The following WDR20 variants were observed in gnomAD, a reference collection of about 807,000 sequenced individuals.
WDR20 encodes the protein WD repeat-containing protein 20.
In WDR20, 3 loss-of-function variants were observed where a neutral mutation model predicts 38.7. That is an observed-to-expected ratio of 0.08 (90% CI 0.04 to 0.20). The LOEUF (loss-of-function observed/expected upper bound fraction) is 0.20, where lower values mean the gene tolerates loss of function less well. Among genes scored for constraint, WDR20 ranks in the 10% least tolerant of loss-of-function variants. The pLI is 1.00. For missense variants in WDR20, 559 were observed against 727.7 expected (o/e 0.77, Z 2.67); for synonymous variants, 298 against 285.6 (o/e 1.04, Z -0.44).
intron 1 of WDR20, among the ~76,000 whole-genome samples, chr14:102,168,941 G>A (rs990909979): frequency 3.3e-5 from 5 of 152,156 alleles, no homozygotes; most frequent in South Asian, 2.1e-4. Context: ...CAGAGTGATC[G>A]TTTAAACAGT....
upstream of WDR20, chr14:102,139,653 T>C (rs1310381990): frequency 9.3e-6 from 6 of 645,848 alleles, no homozygotes; most frequent in East Asian, 1.4e-4. Context: ...CGGCATCACC[T>C]GGGAAGCAGC....
At chr14:102,166,347 T>G (rs1332743859) in intron 1 of WDR20, among the ~76,000 whole-genome samples, 1 of 152,250 alleles carries the variant, frequency 6.6e-6, no homozygotes, top group Non-Finnish European at 1.5e-5. Context: ...TTGTTTGAGA[T>G]TTGGTGAGTC....
chr14:102,176,511 A>T (rs1345972662), intron 1 of WDR20, among the ~76,000 whole-genome samples: 1 of 152,244 alleles, frequency 6.6e-6, no homozygotes, highest in East Asian at 1.9e-4. Flanking sequence ...ATCCTGGCTA[A>T]CATGGTGAAA....
At chr14:102,164,608 C>G (rs2059400202) in intron 1 of WDR20, among the ~76,000 whole-genome samples, 1 of 152,192 alleles carries the variant, frequency 6.6e-6, no homozygotes, top group Non-Finnish European at 1.5e-5. Flanking sequence ...ACCGCTTGGC[C>G]CACAACTTCC....
At chr14:102,204,804 G>A (rs941111879) in intron 2 of WDR20, among the ~76,000 whole-genome samples, 3 of 152,234 alleles carry the variant, frequency 2.0e-5, no homozygotes, top group Admixed American at 6.5e-5. Context: ...TGTGAAAAGT[G>A]CGTGTGTGCA....
chr14:102,187,580 T>C (rs930217945), intron 1 of WDR20, among the ~76,000 whole-genome samples: 1 of 152,154 alleles, frequency 6.6e-6, no homozygotes, highest in Non-Finnish European at 1.5e-5. Flanking sequence ...TAAGGCCACA[T>C]TGGGCAGCCT....
Position 102,209,519 on chromosome 14 carries a change from T to C in WDR20, c.1349T>C (p.Met450Thr), listed in dbSNP as rs765237151. 4 of 1,614,206 alleles carry C rather than the reference T, an allele frequency of 2.5e-6. No homozygotes were observed. The East Asian group carries it at 6.7e-5, about 27-fold the overall frequency. Residue 450 changes from methionine to threonine, a missense_variant, in exon 3 of 3, where the codon ATG becomes ACG. Physicochemically the swap from Met to Thr is moderately conservative, Grantham distance 81 (BLOSUM62 -1). Transcript: ENST00000342702. The surrounding 1 kb of genome is among the most constrained non-coding windows in gnomAD (Gnocchi z 6.0). ...AATGCTGGCAGCAAAAGCAGTGTCA[T>C]GGACGGGGCCATTGCTTCTGGGGTC... ...VSNAGSKSSV[M>T]DGAIASGVSK...
At chr14:102,147,568 T>A (rs2054082402) in intron 1 of WDR20, among the ~76,000 whole-genome samples, 1 of 152,200 alleles carries the variant, frequency 6.6e-6, no homozygotes, top group African/African-American at 2.4e-5. Context: ...CCTCAAGAAA[T>A]GTGTCACTTA....
intron 1 of WDR20, among the ~76,000 whole-genome samples, chr14:102,190,492 C>A (rs1389762569): frequency 1.3e-5 from 2 of 152,078 alleles, no homozygotes; most frequent in Non-Finnish European, 2.9e-5. Context: ...ACTCAGGAGG[C>A]CACGGCAAGA....
chr14:102,211,944 G>T (rs1329176617), downstream of WDR20, among the ~76,000 whole-genome samples: 1 of 152,190 alleles, frequency 6.6e-6, no homozygotes, highest in Non-Finnish European at 1.5e-5. The surrounding 1 kb of genome is among the most constrained non-coding windows in gnomAD (Gnocchi z 4.2). Context: ...AGCCGTGGGG[G>T]TGTGTGCCCG....
intron 1 of WDR20, among the ~76,000 whole-genome samples, chr14:102,161,454 C>T (rs2058734710): frequency 6.6e-6 from 1 of 151,724 alleles, no homozygotes; most frequent in Non-Finnish European, 1.5e-5. Context: ...GCTGGGACTA[C>T]AGGCTCGAGC....
intron 1 of WDR20, among the ~76,000 whole-genome samples, chr14:102,192,852 GC>G (rs1335895201): frequency 1.3e-5 from 2 of 152,032 alleles, no homozygotes; most frequent in Admixed American, 1.3e-4. Context: ...ATGTCATCTA[GC>G]CTGAAGTGCA....
intron 1 of WDR20, among the ~76,000 whole-genome samples, chr14:102,159,232 G>A (rs758708511): frequency 2.6e-5 from 4 of 151,900 alleles, no homozygotes; most frequent in African/African-American, 9.7e-5. Context: ...ATGAGCCACC[G>A]CACCCAGCCC....
rs1364972711 is a variant in WDR20 at position 102,172,601 on chromosome 14, T to G, written c.250-22337T>G. 6.6e-5 allele frequency among the ~76,000 whole-genome samples: 9 copies of G among 137,060 alleles called. No homozygotes were observed. In the East Asian group the frequency reaches 2.0e-3, roughly 31 times the overall value. 89.9% of individuals were successfully genotyped at this position (137,060 alleles called of 152,430 possible). A position where few individuals can be genotyped will look rare whatever the true frequency, so the allele number is the denominator to read the frequency against. On this transcript the variant is annotated intron_variant, in intron 1 of 2. Coordinates refer to ENST00000342702, the MANE Select transcript of WDR20 (RefSeq NM_144574.4). ...GGCAGAGGGGCTCCTCACTTCCCAG[T>G]AGGGGCGGCCTGGCAGAGGCGCCCC... is the stretch of plus-strand genomic sequence containing the variant.
At chr14:102,192,419 T>C (rs534170221) in intron 1 of WDR20, among the ~76,000 whole-genome samples, 2 of 152,294 alleles carry the variant, frequency 1.3e-5, no homozygotes, top group East Asian at 1.9e-4. Context: ...CCTCAGGTGA[T>C]CCACCCGCCT....
intron 1 of WDR20, among the ~76,000 whole-genome samples, chr14:102,183,098 A>T (rs1487913380): frequency 3.9e-5 from 6 of 151,948 alleles, no homozygotes; most frequent in Admixed American, 3.3e-4. Flanking sequence ...TGCCATGAAC[A>T]TTTTTTTTAG....
intron 1 of WDR20, among the ~76,000 whole-genome samples, chr14:102,188,188 T>A (rs561504474): frequency 1.7e-4 from 26 of 152,348 alleles, no homozygotes; most frequent in Non-Finnish European, 2.9e-4. Flanking sequence ...CCACATCAGA[T>A]GCTTCTGGGC....
chr14:102,147,136 T>A (rs1049367530), intron 1 of WDR20, among the ~76,000 whole-genome samples: 3 of 152,212 alleles, frequency 2.0e-5, no homozygotes, highest in Non-Finnish European at 4.4e-5. Context: ...ATGGGTGGCT[T>A]GTAATCCCAG....
In WDR20 at chr14:102,209,381, T is replaced by G. The variant is rs781459841; in HGVS notation, c.1211T>G (p.Met404Arg). The G allele has an allele frequency of 6.2e-7, 1 of 1,614,152 alleles. No individual in the cohort carries two copies. The highest frequency in any genetic ancestry group is 1.1e-5 in the South Asian group (1 of 91,086). The change falls in exon 3 of 3, where the codon ATG becomes AGG. Residue 404 changes from methionine to arginine, a missense_variant. Coordinates refer to ENST00000342702, the MANE Select transcript of WDR20 (RefSeq NM_144574.4). This position sits in a 1 kb window ranked among gnomAD's most constrained non-coding sequence, Gnocchi z 6.0. ...AGAGCAAGGACACACACAAATGTCATGAATGCCACGAGTCCTCCTGCTGGA... is the reference window on the plus strand; with the variant it reads ...AGAGCAAGGACACACACAAATGTCAGGAATGCCACGAGTCCTCCTGCTGGA... ...LSRARTHTNV[M>R]NATSPPAGSN... is the part of the protein sequence containing the mutation.
Sources: allele counts gnomAD v4.1 joint callset (sites outside exome capture counted in the v4.1 genomes callset), GRCh38; gene constraint gnomAD v4.1.1; non-coding constraint Gnocchi (gnomAD v3.1); transcripts MANE v1.5; gene names NCBI Gene and HGNC (gene_info 2026-07-23, HGNC 2026-07-21).